Variants in PCDH15 observed in about 807,000 individuals in gnomAD.
The protein encoded by PCDH15 is protocadherin related 15, also known as protocadherin-15.
In PCDH15, 129 loss-of-function variants were observed where a neutral mutation model predicts 178.5. The ratio of observed to expected loss-of-function variants is 0.72; its 90% confidence interval spans 0.63 to 0.84. The LOEUF is 0.84. Ranked by LOEUF, PCDH15 falls within the 40% of genes least tolerant of loss-of-function variation. The pLI is 0.00. For missense variants in PCDH15, 2,230 were observed against 2,099.9 expected (o/e 1.06, Z -1.21); for synonymous variants, 800 against 732.0 (o/e 1.09, Z -1.50).
chr10:55,111,718 C>T (rs1485801017), intron 2 of PCDH15, among the ~76,000 whole-genome samples: 1 of 151,982 alleles, frequency 6.6e-6, no homozygotes, highest in Non-Finnish European at 1.5e-5. Context: ...TGGTGCATGC[C>T]TGTAATCCCA....
chr10:54,622,977 T>C (rs2093435107), intron 2 of PCDH15, among the ~76,000 whole-genome samples: 2 of 151,182 alleles, frequency 1.3e-5, no homozygotes, highest in South Asian at 2.1e-4. Context: ...ATACGTTTTC[T>C]TCAAATGTCA....
chr10:54,445,239 T>C (rs991444717), intron 3 of PCDH15, among the ~76,000 whole-genome samples: 2 of 151,550 alleles, frequency 1.3e-5, no homozygotes, highest in African/African-American at 4.8e-5. Flanking sequence ...TTTACCCATC[T>C]TTTATTTTAT....
intron 1 of PCDH15, among the ~76,000 whole-genome samples, chr10:55,264,568 C>T (rs1842232016): frequency 6.6e-6 from 1 of 152,182 alleles, no homozygotes; most frequent in South Asian, 2.1e-4. Context: ...ATCTCTTTAT[C>T]ACACCCTGGG....
At chr10:55,045,218 T>C (rs1018849201) in intron 2 of PCDH15, among the ~76,000 whole-genome samples, 3 of 152,120 alleles carry the variant, frequency 2.0e-5, no homozygotes, top group Admixed American at 2.0e-4. Context: ...TACTGATCTT[T>C]ACATTTCCTT....
chr10:54,170,254 A>T (rs2046744898), intron 13 of PCDH15, among the ~76,000 whole-genome samples: 1 of 82,224 alleles, frequency 1.2e-5, no homozygotes, highest in Non-Finnish European at 2.7e-5. Context: ...CTCAAACCAC[A>T]GCAACTTCTA....
At chr10:54,705,470 A>C (rs1022989061) in intron 1 of PCDH15, among the ~76,000 whole-genome samples, 1 of 152,158 alleles carries the variant, frequency 6.6e-6, no homozygotes, top group African/African-American at 2.4e-5. Flanking sequence ...AATTTTGTGC[A>C]GTTTATCTCA....
At chr10:54,996,779 G>A (rs965369765) in intron 2 of PCDH15, among the ~76,000 whole-genome samples, 14 of 152,062 alleles carry the variant, frequency 9.2e-5, no homozygotes, top group Admixed American at 5.9e-4. Flanking sequence ...TGTTTGGCCC[G>A]AGTGTTCTTT....
rs570399775 is a variant in PCDH15 at position 54,642,954 on chromosome 10, G to A, written c.91+21218C>T. Among the ~76,000 whole-genome samples the A allele has an allele frequency of 6.0e-4, 91 of 152,222 alleles. 2 individuals are homozygous for A. In the South Asian group the frequency reaches 0.016, roughly 27 times the overall value. On this transcript the variant is annotated intron_variant, in intron 2 of 37. Transcript: ENST00000644397. ...GTTTTATTTTTTGGGACAGAATCTC[G>A]CTCTCTGTCCCAGGCTGGAGTGCAA...
At chr10:54,408,322 A>T (rs1454144263) in intron 3 of PCDH15, among the ~76,000 whole-genome samples, 4 of 152,090 alleles carry the variant, frequency 2.6e-5, no homozygotes, top group African/African-American at 9.7e-5. Context: ...ATAATATGTA[A>T]ATATATGGGG....
rs377578816 is a variant in PCDH15 at position 55,061,002 on chromosome 10, G to A, written c.-80+105574C>T. On this transcript the variant is annotated intron_variant, in intron 2 of 5. Coordinates refer to the PCDH15 transcript ENST00000458638. ...TAGAAGAAAAAAAGGAGAAATTCTC[G>A]ATAACTTTGGGGTTGGCAATGATTT... Among the ~76,000 whole-genome samples, 9 of 152,002 alleles carry A rather than the reference G, an allele frequency of 5.9e-5. No homozygotes were observed. In the East Asian group the frequency reaches 9.6e-4, roughly 16 times the overall value.
intron 1 of PCDH15, among the ~76,000 whole-genome samples, chr10:55,183,468 G>A (rs1839709400): frequency 6.6e-6 from 1 of 151,926 alleles, no homozygotes; most frequent in African/African-American, 2.4e-5. Flanking sequence ...AAATAAGCTG[G>A]TTTTCATGGT....
intron 3 of PCDH15, among the ~76,000 whole-genome samples, chr10:54,520,779 G>A (rs934920702): frequency 4.3e-4 from 65 of 150,508 alleles, no homozygotes; most frequent in Admixed American, 8.0e-4. Context: ...GTTTATTGCG[G>A]CATTATTCAC....
chr10:54,181,920 G>T (rs979940770), intron 13 of PCDH15, among the ~76,000 whole-genome samples: 1 of 151,968 alleles, frequency 6.6e-6, no homozygotes, highest in African/African-American at 2.4e-5. Flanking sequence ...AGCATTGAAT[G>T]ATTTCTTTTT....
At chr10:55,220,112 T>C (rs1840827285) in intron 1 of PCDH15, among the ~76,000 whole-genome samples, 1 of 151,992 alleles carries the variant, frequency 6.6e-6, no homozygotes, top group Admixed American at 6.6e-5. Context: ...TTTTTATACT[T>C]AAGGCCCTAT....
intron 5 of PCDH15, among the ~76,000 whole-genome samples, chr10:54,357,270 T>A (rs2134384701): frequency 6.6e-6 from 1 of 152,268 alleles, no homozygotes; most frequent in South Asian, 2.1e-4. Context: ...AACCCCACTG[T>A]CTCAGCCCAA....
At chr10:54,624,903 C>T (rs1369549659) in intron 2 of PCDH15, among the ~76,000 whole-genome samples, 1 of 152,182 alleles carries the variant, frequency 6.6e-6, no homozygotes, top group Non-Finnish European at 1.5e-5. Context: ...AAGCTCAGGA[C>T]TCCCATTGAT....
At chr10:55,558,025 C>A (rs1420475057) in intron 2 of PCDH15, among the ~76,000 whole-genome samples, 6 of 152,002 alleles carry the variant, frequency 3.9e-5, no homozygotes, top group Non-Finnish European at 4.4e-5. Flanking sequence ...CACTAGACAA[C>A]CAAGTAGATA....
intron 2 of PCDH15, among the ~76,000 whole-genome samples, chr10:55,390,537 T>C (rs1439013733): frequency 3.3e-5 from 5 of 152,190 alleles, no homozygotes; most frequent in Admixed American, 6.5e-5. Flanking sequence ...TTGAGTTCCT[T>C]CCATGAATCA....
At chr10:55,490,027 C>T (rs1258232230) in intron 2 of PCDH15, among the ~76,000 whole-genome samples, 2 of 151,452 alleles carry the variant, frequency 1.3e-5, no homozygotes, top group East Asian at 3.9e-4. Flanking sequence ...ACTTGTCCAC[C>T]CAAAACAAAC....
Sources: allele counts gnomAD v4.1 joint callset (sites outside exome capture counted in the v4.1 genomes callset), GRCh38; gene constraint gnomAD v4.1.1; transcripts MANE v1.5; gene names NCBI Gene and HGNC (gene_info 2026-07-23, HGNC 2026-07-21).